The following CNGB3 variants were observed in gnomAD, a reference collection of about 807,000 sequenced individuals.
CNGB3 encodes cyclic nucleotide-gated channel beta-3.
CNGB3 carries 86 observed loss-of-function variants against 92.8 expected under a neutral mutation model. The ratio of observed to expected loss-of-function variants is 0.93; its 90% CI spans 0.78 to 1.11. The LOEUF (loss-of-function observed/expected upper bound fraction) is 1.11, where lower values mean the gene tolerates loss of function less well. CNGB3 is among the 50% of genes least tolerant of loss of function. The pLI is 0.00. For synonymous variants in CNGB3, 333 were observed against 332.7 expected (o/e 1.00, Z -0.01); for missense variants, 1,026 against 956.8 (o/e 1.07, Z -0.95).
chr8:86,678,971 G>C (rs755004833), intron 3 of CNGB3, among the ~76,000 whole-genome samples: 8 of 151,938 alleles, frequency 5.3e-5, no homozygotes, highest in Non-Finnish European at 8.8e-5. Flanking sequence ...AATGGCTTCA[G>C]GTATTTTTTT....
At chr8:86,622,012 C>T (rs1165592898) in intron 13 of CNGB3, among the ~76,000 whole-genome samples, 1 of 152,162 alleles carries the variant, frequency 6.6e-6, no homozygotes, top group East Asian at 1.9e-4. Flanking sequence ...TGCCACTGCA[C>T]TACAGCCTGG....
chr8:86,624,050 C>G (rs369030045), intron 13 of CNGB3, among the ~76,000 whole-genome samples: 8 of 152,328 alleles, frequency 5.3e-5, no homozygotes, highest in South Asian at 4.1e-4. Context: ...AGGAAAGATC[C>G]TGTTCAAACT....
chr8:86,635,323 A>G (rs946748232), intron 10 of CNGB3, among the ~76,000 whole-genome samples: 1 of 152,126 alleles, frequency 6.6e-6, no homozygotes, highest in Non-Finnish European at 1.5e-5. Flanking sequence ...TTCTCTCCCA[A>G]CATGGTCAAT....
At chr8:86,721,783 T>C (rs1442385880) in intron 3 of CNGB3, among the ~76,000 whole-genome samples, 2 of 152,220 alleles carry the variant, frequency 1.3e-5, no homozygotes, top group Non-Finnish European at 2.9e-5. Flanking sequence ...TTTTGTAAAC[T>C]TGATAGCTGA....
chr8:86,614,488 C>T (rs1822579100), intron 13 of CNGB3, among the ~76,000 whole-genome samples: 2 of 152,144 alleles, frequency 1.3e-5, no homozygotes, highest in South Asian at 2.1e-4. Context: ...GTTACCCCTT[C>T]CCATTGGCCC....
chr8:86,628,261 A>G (rs1285331877), intron 12 of CNGB3, among the ~76,000 whole-genome samples: 1 of 152,082 alleles, frequency 6.6e-6, no homozygotes, highest in African/African-American at 2.4e-5. Flanking sequence ...TTGTATTTCT[A>G]GTAGAGATGG....
At chr8:86,623,545 G>A (rs2131578454) in intron 13 of CNGB3, among the ~76,000 whole-genome samples, 1 of 152,196 alleles carries the variant, frequency 6.6e-6, no homozygotes, top group East Asian at 1.9e-4. Flanking sequence ...CCTTCCCCTT[G>A]AGACCTTTTA....
At chr8:86,688,561 C>T (rs779964304) in intron 3 of CNGB3, among the ~76,000 whole-genome samples, 11 of 152,062 alleles carry the variant, frequency 7.2e-5, no homozygotes, top group Non-Finnish European at 1.2e-4. Flanking sequence ...CAGTTTCTTT[C>T]TGGAATTTAT....
intron 13 of CNGB3, among the ~76,000 whole-genome samples, chr8:86,616,285 A>T (rs1822621103): frequency 6.6e-6 from 1 of 152,176 alleles, no homozygotes. Context: ...AAGTTTCACC[A>T]ATTAAGTGAT....
chr8:86,722,031 C>T (rs1245601533), intron 3 of CNGB3, among the ~76,000 whole-genome samples: 1 of 152,110 alleles, frequency 6.6e-6, no homozygotes, highest in Non-Finnish European at 1.5e-5. Flanking sequence ...TAGAAATAAC[C>T]TTCCTTCTCA....
chr8:86,735,244 G>T (rs11994555), intron 2 of CNGB3, among the ~76,000 whole-genome samples: 8,769 of 148,398 alleles, frequency 0.059, 351 homozygotes, highest in East Asian at 0.13. Flanking sequence ...CAGGGTTCAC[G>T]CCATTCTCCT....
At chr8:86,693,124 A>G (rs965655218) in intron 3 of CNGB3, among the ~76,000 whole-genome samples, 2 of 152,146 alleles carry the variant, frequency 1.3e-5, no homozygotes, top group African/African-American at 4.8e-5. Flanking sequence ...TTTTCCTTTA[A>G]GATTACCTAA....
intron 3 of CNGB3, among the ~76,000 whole-genome samples, chr8:86,683,099 T>G (rs73273357): frequency 6.6e-6 from 1 of 152,274 alleles, no homozygotes; most frequent in African/African-American, 2.4e-5. Flanking sequence ...TTACACAGCT[T>G]TTTTCTCTGA....
chr8:86,717,019 G>A (rs1343776739), intron 3 of CNGB3, among the ~76,000 whole-genome samples: 1 of 152,008 alleles, frequency 6.6e-6, no homozygotes, highest in Non-Finnish European at 1.5e-5. Context: ...GTAAAGGGAT[G>A]GAAAAAGATA....
chr8:86,709,260 C>G (rs1420324735), intron 3 of CNGB3, among the ~76,000 whole-genome samples: 1 of 152,186 alleles, frequency 6.6e-6, no homozygotes, highest in Non-Finnish European at 1.5e-5. Context: ...CCCACACAGA[C>G]ACATGTTACA....
At chr8:86,609,178 A>G (rs1468973491) in intron 14 of CNGB3, among the ~76,000 whole-genome samples, 3 of 152,198 alleles carry the variant, frequency 2.0e-5, no homozygotes, top group African/African-American at 7.2e-5. Flanking sequence ...TTGTTAAACA[A>G]ATTTGCACTG....
At chr8:86,589,432 G>T (rs1295838812) in intron 15 of CNGB3, among the ~76,000 whole-genome samples, 2 of 150,906 alleles carry the variant, frequency 1.3e-5, no homozygotes, top group Non-Finnish European at 2.9e-5. Context: ...TGTGATGTTA[G>T]GGTGTCAATT....
intron 15 of CNGB3, among the ~76,000 whole-genome samples, chr8:86,599,625 G>GCGGCTGTCTTTTACGGTCA (rs1299462978): frequency 6.9e-6 from 1 of 145,488 alleles, no homozygotes; most frequent in African/African-American, 2.8e-5. Flanking sequence ...CACCTTGGGG[G>GCGGCTGTCTTTTACGGTCA]CGGCTGTCTT....
At chr8:86,589,067 G>A (rs1400001261) in intron 15 of CNGB3, among the ~76,000 whole-genome samples, 1 of 152,076 alleles carries the variant, frequency 6.6e-6, no homozygotes, top group African/African-American at 2.4e-5. Context: ...TTAGTCTTGG[G>A]AGAGTGTGTG....
Sources: allele counts gnomAD v4.1 joint callset (sites outside exome capture counted in the v4.1 genomes callset), GRCh38; gene constraint gnomAD v4.1.1; transcripts MANE v1.5; gene names NCBI Gene and HGNC (gene_info 2026-07-23, HGNC 2026-07-21).